DIS3L2: variants seen among roughly 807,000 people sequenced by gnomAD.
DIS3L2 encodes the protein DIS3 like 3'-5' exoribonuclease 2.
A neutral mutation model predicts 97.5 loss-of-function variants in DIS3L2; 34 were observed. The ratio of observed to expected loss-of-function variants is 0.35; its 90% confidence interval spans 0.27 to 0.46. The LOEUF is 0.46. Among genes scored for constraint, DIS3L2 ranks in the 20% least tolerant of loss-of-function variants. The pLI, the probability that DIS3L2 is intolerant of heterozygous loss-of-function variation, is 1.00. For missense variants in DIS3L2, 1,038 were observed against 1,146.0 expected, an observed-to-expected ratio of 0.91 and a Z score of 1.36; for synonymous variants, 435 against 445.2, an observed-to-expected ratio of 0.98 and a Z score of 0.29.
chr2:231,983,411 T>C (rs1157869988), intron 1 of DIS3L2, among the ~76,000 whole-genome samples: 1 of 152,140 alleles, frequency 6.6e-6, no homozygotes, highest in Non-Finnish European at 1.5e-5. Context: ...ACAGGGATCC[T>C]GAACTGTCCG....
intron 9 of DIS3L2, among the ~76,000 whole-genome samples, chr2:232,202,861 A>G (rs78346448): frequency 3.5e-3 from 531 of 152,354 alleles, no homozygotes; most frequent in African/African-American, 0.012. Context: ...AAACAGTATT[A>G]TGATATTGGC....
intron 6 of DIS3L2, among the ~76,000 whole-genome samples, chr2:232,121,336 A>C (rs1171782091): frequency 6.6e-6 from 1 of 151,970 alleles, no homozygotes; most frequent in Non-Finnish European, 1.5e-5. Context: ...TTCCTTTGCA[A>C]ACTTTTCTAC....
chr2:232,089,557 A>G (rs1311352238), intron 6 of DIS3L2, among the ~76,000 whole-genome samples: 1 of 152,242 alleles, frequency 6.6e-6, no homozygotes, highest in Non-Finnish European at 1.5e-5. Context: ...CAGGACTCTA[A>G]GTAGCCAAAT....
intron 13 of DIS3L2, chr2:232,343,250 C>G (rs188830347): frequency 2.9e-6 from 3 of 1,041,990 alleles, no homozygotes; most frequent in East Asian, 2.5e-5. Flanking sequence ...ATGGAGCTGA[C>G]GCAGGCTGAG....
chr2:231,962,681 C>T (rs569272458), intron 1 of DIS3L2, among the ~76,000 whole-genome samples: 1 of 152,232 alleles, frequency 6.6e-6, no homozygotes, highest in East Asian at 1.9e-4. Context: ...GTGATCCGCC[C>T]GCCTTGGCCT....
intron 5 of DIS3L2, among the ~76,000 whole-genome samples, chr2:232,055,487 A>G (rs1695522207): frequency 2.0e-5 from 3 of 152,258 alleles, no homozygotes; most frequent in Admixed American, 2.0e-4. Flanking sequence ...GATGCTAAAG[A>G]TGCTCTAACT....
At chr2:232,166,180 G>T (rs1690807644) in intron 9 of DIS3L2, among the ~76,000 whole-genome samples, 1 of 152,078 alleles carries the variant, frequency 6.6e-6, no homozygotes, top group Non-Finnish European at 1.5e-5. Context: ...GATTGTTTGA[G>T]CCTGGGAGTT....
chr2:232,300,180 C>A, intron 14 of DIS3L2, 61 bp downstream of exon 14: 1 of 1,489,336 alleles, frequency 6.7e-7, no homozygotes, highest in Non-Finnish European at 9.3e-7. Context: ...TGCCTGTGGG[C>A]TTTCTGACAC....
intron 1 of DIS3L2, among the ~76,000 whole-genome samples, chr2:232,006,878 G>A (rs1392474247): frequency 2.0e-5 from 3 of 152,166 alleles, no homozygotes; most frequent in Non-Finnish European, 2.9e-5. Context: ...AGCAAACTGA[G>A]AGAATGCCAT....
intron 5 of DIS3L2, among the ~76,000 whole-genome samples, chr2:232,067,278 A>G (rs1695877104): frequency 2.0e-5 from 3 of 152,172 alleles, no homozygotes; most frequent in Admixed American, 2.0e-4. Flanking sequence ...ACTTAGAGCT[A>G]TATCATTTTC....
At chr2:232,290,044 C>CTTTGG (rs1243295527) in intron 13 of DIS3L2, among the ~76,000 whole-genome samples, 2 of 152,224 alleles carry the variant, frequency 1.3e-5, no homozygotes, top group African/African-American at 2.4e-5. Context: ...GTGGAAGCAG[C>CTTTGG]TTTGGGTAAC....
chr2:231,975,210 A>G (rs984590305), intron 1 of DIS3L2, among the ~76,000 whole-genome samples: 19 of 152,072 alleles, frequency 1.2e-4, no homozygotes, highest in South Asian at 1.2e-3. Context: ...AATGTAGGAA[A>G]CCTCTGACCA....
chr2:232,289,023 T>G (rs1301513594), intron 13 of DIS3L2, among the ~76,000 whole-genome samples: 1 of 152,134 alleles, frequency 6.6e-6, no homozygotes, highest in Non-Finnish European at 1.5e-5. Context: ...GGCTTCATGT[T>G]TTCTGATTTC....
chr2:232,200,909 G>A (rs1218872620), intron 9 of DIS3L2, among the ~76,000 whole-genome samples: 7 of 150,108 alleles, frequency 4.7e-5, no homozygotes, highest in South Asian at 4.2e-4. Flanking sequence ...TCAGCTTCCC[G>A]AGTAGCTGGG....
chr2:232,249,930 A>G (rs1693372311), intron 12 of DIS3L2, among the ~76,000 whole-genome samples: 1 of 152,230 alleles, frequency 6.6e-6, no homozygotes, highest in Admixed American at 6.5e-5. Context: ...TGGTGAAACC[A>G]CAGACCAAGA....
At chr2:231,975,060 T>C (rs1693041666) in intron 1 of DIS3L2, among the ~76,000 whole-genome samples, 1 of 152,214 alleles carries the variant, frequency 6.6e-6, no homozygotes, top group African/African-American at 2.4e-5. Flanking sequence ...AACTGGTTTA[T>C]CTACTGTTTA....
At chr2:231,990,494 A>T (rs553188565) in intron 1 of DIS3L2, among the ~76,000 whole-genome samples, 1 of 152,232 alleles carries the variant, frequency 6.6e-6, no homozygotes, top group Non-Finnish European at 1.5e-5. Context: ...GATGACTTTA[A>T]TCGTAGTAAT....
intron 1 of DIS3L2, among the ~76,000 whole-genome samples, chr2:231,977,960 C>T (rs1238959801): frequency 6.6e-6 from 1 of 152,252 alleles, no homozygotes; most frequent in East Asian, 1.9e-4. Flanking sequence ...TGTATCCCTG[C>T]CCTACCTCCA....
rs112502699 is a variant in DIS3L2 at position 231,963,861 on chromosome 2, G to A, written c.-94+2096G>A. Reference sequence around the variant, plus strand: ...AGCCTCCCGAGTAGCTGAGACTACAGGTGCGCACTACCACGTTCGGCTAAT... The same window carrying A: ...AGCCTCCCGAGTAGCTGAGACTACAAGTGCGCACTACCACGTTCGGCTAAT... On this transcript the variant is annotated intron_variant, in intron 1 of 20. Coordinates refer to ENST00000325385, the MANE Select transcript of DIS3L2 (RefSeq NM_152383.5). Among the ~76,000 whole-genome samples the A allele has an allele frequency of 3.3e-5, 5 of 152,200 alleles. 1 individual carries two copies. Among genetic ancestry groups the A allele is most frequent in the African/African-American group, 1.2e-4 (5 of 41,528 alleles).
Sources: gnomAD v4.1 joint callset for allele counts (sites outside exome capture counted in the v4.1 genomes callset) on GRCh38, gnomAD v4.1.1 for gene constraint, MANE v1.5 for transcripts, NCBI Gene and HGNC (gene_info 2026-07-23, HGNC 2026-07-21) for gene names.